The following PRKCE variants were observed in gnomAD, a reference collection of about 807,000 sequenced individuals.
PRKCE encodes the protein protein kinase C epsilon type.
A neutral mutation model predicts 85.4 loss-of-function variants in PRKCE; 16 were observed. That is an observed-to-expected ratio of 0.19 (90% confidence interval 0.13 to 0.28). The LOEUF is 0.28. PRKCE is among the 10% of genes least tolerant of loss of function. The probability of loss-of-function intolerance (pLI) is 1.00; values close to 1 mark genes in which losing one functional copy is unlikely to be tolerated. For missense variants in PRKCE, 573 were observed against 975.2 expected, an observed-to-expected ratio of 0.59 and a Z score of 5.49; for synonymous variants, 388 against 371.5, an observed-to-expected ratio of 1.04 and a Z score of -0.51.
chr2:45,807,565 C>G (rs1333745968), intron 1 of PRKCE, among the ~76,000 whole-genome samples: 1 of 152,218 alleles, frequency 6.6e-6, no homozygotes, highest in Non-Finnish European at 1.5e-5. Context: ...GCAAATCATT[C>G]CTCCAGACAA....
chr2:46,010,528 A>C lies in PRKCE; in HGVS notation c.1437+11A>C. 6.3e-7 allele frequency: 1 copy of C among 1,598,752 alleles called. No individual in the cohort carries two copies. Among genetic ancestry groups the C allele is most frequent in the East Asian group, 2.2e-5 (1 of 44,862 alleles). ...TGCTTCCAGACCAAGGTATGTTAGG[A>C]AGAAGCTGGCTGGCTGCCATGTTGG... On this transcript the variant is annotated intron_variant, in intron 10 of 14. Transcript: ENST00000306156.
intron 5 of PRKCE, among the ~76,000 whole-genome samples, chr2:45,981,985 C>G (rs763568619): frequency 1.3e-5 from 2 of 152,238 alleles, no homozygotes; most frequent in Non-Finnish European, 2.9e-5. Context: ...TGACCCAGTT[C>G]TTCTGACTGT....
At chr2:45,912,005 G>T (rs940512837) in intron 2 of PRKCE, among the ~76,000 whole-genome samples, 3 of 151,920 alleles carry the variant, frequency 2.0e-5, no homozygotes, top group African/African-American at 7.3e-5. Context: ...CTAGAAAAAA[G>T]TTTTCATTTT....
At chr2:45,881,574 G>C (rs961122382) in intron 2 of PRKCE, among the ~76,000 whole-genome samples, 3 of 152,228 alleles carry the variant, frequency 2.0e-5, no homozygotes, top group East Asian at 3.9e-4. Context: ...CTCTTACATA[G>C]TGCTTACTAT....
chr2:45,661,443 A>C (rs1675637252), intron 1 of PRKCE, among the ~76,000 whole-genome samples: 1 of 151,876 alleles, frequency 6.6e-6, no homozygotes. Flanking sequence ...TCAGCCTCCC[A>C]AAATTCTGGG....
At chr2:45,807,201 T>A (rs957385102) in intron 1 of PRKCE, among the ~76,000 whole-genome samples, 2 of 152,234 alleles carry the variant, frequency 1.3e-5, no homozygotes, top group African/African-American at 4.8e-5. Flanking sequence ...ATAATCGCTA[T>A]CTTGCAATGT....
At chr2:45,795,473 T>A (rs1324655220) in intron 1 of PRKCE, among the ~76,000 whole-genome samples, 1 of 152,086 alleles carries the variant, frequency 6.6e-6, no homozygotes, top group Non-Finnish European at 1.5e-5. Context: ...CACGCCTGGC[T>A]AATTTTGTAT....
At chr2:45,817,537 C>CA (rs59129702) in intron 1 of PRKCE, among the ~76,000 whole-genome samples, 62 of 151,742 alleles carry the variant, frequency 4.1e-4, no homozygotes, top group South Asian at 2.7e-3. Flanking sequence ...AATAAAAATA[C>CA]AAAAAAATCA....
chr2:45,850,336 T>A (rs923062174), intron 2 of PRKCE, among the ~76,000 whole-genome samples: 2 of 152,212 alleles, frequency 1.3e-5, no homozygotes, highest in African/African-American at 2.4e-5. Context: ...AGATCCTTGG[T>A]CAAGAAGTGG....
At chr2:46,133,835 G>A (rs866286237) in intron 11 of PRKCE, among the ~76,000 whole-genome samples, 34 of 152,208 alleles carry the variant, frequency 2.2e-4, no homozygotes, top group African/African-American at 7.7e-4. Flanking sequence ...ATAATGACAA[G>A]TTGTCATTGT....
intron 13 of PRKCE, among the ~76,000 whole-genome samples, chr2:46,157,576 T>G (rs1394516152): frequency 6.6e-6 from 1 of 152,104 alleles, no homozygotes; most frequent in Non-Finnish European, 1.5e-5. Context: ...CTGAGAAACC[T>G]TAACCTACAG....
At chr2:45,890,352 C>G (rs1307462914) in intron 2 of PRKCE, among the ~76,000 whole-genome samples, 1 of 152,120 alleles carries the variant, frequency 6.6e-6, no homozygotes, top group Non-Finnish European at 1.5e-5. Context: ...ATAGTACTCT[C>G]TGTTCCTTCT....
intron 9 of PRKCE, among the ~76,000 whole-genome samples, chr2:46,007,961 A>C (rs542539781): frequency 6.6e-6 from 1 of 152,214 alleles, no homozygotes; most frequent in Non-Finnish European, 1.5e-5. Flanking sequence ...GGAAAGTTTT[A>C]AATGCTCAGT....
intron 3 of PRKCE, chr2:45,978,519 G>A (rs905021022): frequency 1.3e-5 from 2 of 156,924 alleles, no homozygotes; most frequent in Admixed American, 6.3e-5. Context: ...AACCATTGGT[G>A]GTCTTTGGAC....
chr2:46,140,070 C>T (rs1675363249), intron 11 of PRKCE, among the ~76,000 whole-genome samples: 1 of 152,068 alleles, frequency 6.6e-6, no homozygotes, highest in African/African-American at 2.4e-5. Flanking sequence ...AATGGAAAGA[C>T]ACAAAGTATT....
intron 12 of PRKCE, among the ~76,000 whole-genome samples, chr2:46,150,609 G>A (rs1676527077): frequency 6.6e-6 from 1 of 152,210 alleles, no homozygotes; most frequent in Non-Finnish European, 1.5e-5. Context: ...TTCCACTCAG[G>A]CAGTGAGCTG....
At chr2:45,914,358 A>G (rs145536871) in intron 2 of PRKCE, among the ~76,000 whole-genome samples, 1 of 152,228 alleles carries the variant, frequency 6.6e-6, no homozygotes, top group Non-Finnish European at 1.5e-5. Context: ...CTGTTTGGAC[A>G]TGTGGACTTG....
chr2:45,663,302 G>A (rs1302076416), intron 1 of PRKCE, among the ~76,000 whole-genome samples: 13 of 152,082 alleles, frequency 8.5e-5, no homozygotes, highest in Admixed American at 8.5e-4. Flanking sequence ...TTCTCAAGTG[G>A]GCCATTCGGA....
chr2:45,864,150 G>A lies in PRKCE; in HGVS notation c.412+21087G>A, dbSNP rs186783315. ...TGAATCCTTCTACCCCTCAAAGAGC[G>A]TCATTCTGCTCTCTCTGGCTGCTCC... is the stretch of plus-strand genomic sequence containing the variant. On this transcript the variant is annotated intron_variant, in intron 2 of 14. Transcript: ENST00000306156. 3.3e-4 allele frequency among the ~76,000 whole-genome samples: 50 copies of A among 152,264 alleles called. No individual in the cohort carries two copies. The East Asian group carries it at 3.7e-3, about 11-fold the overall frequency.
Sources: gnomAD v4.1 joint callset for allele counts (sites outside exome capture counted in the v4.1 genomes callset) on GRCh38, gnomAD v4.1.1 for gene constraint, MANE v1.5 for transcripts, NCBI Gene and HGNC (gene_info 2026-07-23, HGNC 2026-07-21) for gene names.